Variants in TGS1 observed in about 807,000 individuals in gnomAD.
The protein encoded by TGS1 is trimethylguanosine synthase 1, also known as trimethylguanosine synthase.
In TGS1, 69 loss-of-function variants were observed where a neutral mutation model predicts 92.2. The ratio of observed to expected loss-of-function variants is 0.75; its 90% confidence interval spans 0.62 to 0.91. The LOEUF (loss-of-function observed/expected upper bound fraction) is 0.91. TGS1 is among the 40% of genes least tolerant of loss of function. The probability of loss-of-function intolerance (pLI) is 0.00; values close to 1 mark genes in which losing one functional copy is unlikely to be tolerated. For missense variants in TGS1, 1,062 were observed against 1,001.2 expected (o/e 1.06, Z -0.82); for synonymous variants, 345 against 338.1 (o/e 1.02, Z -0.22).
At chr8:55,801,582 CTTTTTTTTTTTTTT>C (rs1212417955) in intron 8 of TGS1, among the ~76,000 whole-genome samples, 2 of 48,216 alleles carry the variant, frequency 4.1e-5, no homozygotes, top group Middle Eastern at 0.026. Context: ...CCCCATCGTT[CTTTTTTTTTTTTTT>C]TTTTTTTTTT....
chr8:55,793,121 T>C (rs925663876), intron 6 of TGS1, among the ~76,000 whole-genome samples: 9 of 152,246 alleles, frequency 5.9e-5, no homozygotes, highest in Admixed American at 1.3e-4. Context: ...CTCACATGTG[T>C]ACATCTGAAG....
At chr8:55,790,384 T>G in intron 5 of TGS1, 85 bp downstream of exon 5, 3 of 839,770 alleles carry the variant, frequency 3.6e-6, no homozygotes, top group South Asian at 3.0e-5. Context: ...ATGATTGTTA[T>G]GTTCACAACA....
At chr8:55,773,952 A>AG (rs1811300353) in intron 1 of TGS1, among the ~76,000 whole-genome samples, 1 of 152,254 alleles carries the variant, frequency 6.6e-6, no homozygotes, top group Non-Finnish European at 1.5e-5. Flanking sequence ...AAAATGTCGT[A>AG]GGTGCTATAT....
At chr8:55,795,541 C>T (rs1187266182) in intron 6 of TGS1, among the ~76,000 whole-genome samples, 6 of 152,064 alleles carry the variant, frequency 3.9e-5, no homozygotes, top group South Asian at 2.1e-4. Flanking sequence ...ACGAAGGGTT[C>T]GCTTCTTTTG....
chr8:55,798,898 C>A lies in TGS1; in HGVS notation c.1543-16C>A. The A allele has an allele frequency of 6.4e-7, 1 of 1,572,312 alleles. No individual in the cohort carries two copies. The highest frequency in any genetic ancestry group is 1.2e-5 in the South Asian group (1 of 84,342). On this transcript the variant is annotated splice_polypyrimidine_tract_variant and intron_variant, in intron 7 of 12. Transcript: ENST00000260129. The stretch of plus-strand genomic sequence containing the variant: ...TGGAATTAATTCCTGCTCATGATGT[C>A]ATCTTAAAATTTAAGGTAGAAAAAT...
At position 55,792,785 on chromosome 8, in the gene TGS1, G is replaced by A; in HGVS notation, c.1367+1G>A. The stretch of plus-strand genomic sequence containing the variant: ...GATTCAAGTATGGCTCAGGACAAAA[G>A]TAATTATTCATAAAAGCTATTGTTT... On this transcript the variant is annotated splice_donor_variant, in intron 6 of 12. Transcript: ENST00000260129. LOFTEE classifies it high-confidence loss of function. The A allele has an allele frequency of 1.2e-6, 2 of 1,606,008 alleles. No individual in the cohort carries two copies. Among genetic ancestry groups the A allele is most frequent in the Non-Finnish European group, 1.7e-6 (2 of 1,172,802 alleles).
chr8:55,813,118 G>A lies in TGS1; in HGVS notation c.2439G>A (p.Gln813=), dbSNP rs770291384. Reference sequence around the variant, plus strand: ...TTCCAAGAAATGCTGATATTGACCAGGTAAGCCATTACTGAAAAACTTCCA... The same window carrying A: ...TTCCAAGAAATGCTGATATTGACCAAGTAAGCCATTACTGAAAAACTTCCA... ...YFLPRNADID[Q]VASLAGPGGQ... The change falls in exon 12 of 13, where the codon CAG becomes CAA. Residue 813 remains glutamine, a splice_region_variant and synonymous_variant. Transcript: ENST00000260129. The A allele has an allele frequency of 6.2e-7, 1 of 1,603,378 alleles. No homozygotes were observed. The highest frequency in any genetic ancestry group is 8.5e-7 in the Non-Finnish European group (1 of 1,171,870).
intron 12 of TGS1, among the ~76,000 whole-genome samples, chr8:55,815,984 G>A (rs73603154): frequency 0.062 from 9,320 of 151,538 alleles, 333 homozygotes; most frequent in African/African-American, 0.097. Flanking sequence ...GTTTCTCTCT[G>A]TCACGCAGAC....
Position 55,824,804 on chromosome 8 carries a change from G to T in TGS1, c.*101G>T, listed in dbSNP as rs368904702. The T allele has an allele frequency of 3.7e-5, 51 of 1,365,320 alleles. No homozygotes were observed. The highest frequency in any genetic ancestry group is 4.7e-5 in the Non-Finnish European group (47 of 992,562). 84.6% of individuals were successfully genotyped at this position (1,365,320 alleles called of 1,614,324 possible). A position where few individuals can be genotyped will look rare whatever the true frequency, so the allele number is the denominator to read the frequency against. The stretch of plus-strand genomic sequence containing the variant: ...TATTCACTGATATTTTCTACCCATG[G>T]TCTTATATCACCGTATGAAATGGAA... On this transcript the variant is annotated 3_prime_UTR_variant, in exon 13 of 13. Transcript: ENST00000260129.
chr8:55,793,631 G>A (rs889659738), intron 6 of TGS1, among the ~76,000 whole-genome samples: 3 of 151,966 alleles, frequency 2.0e-5, no homozygotes, highest in Non-Finnish European at 4.4e-5. Flanking sequence ...ACAGTGGTGC[G>A]ATCTCGGCCC....
intron 1 of TGS1, among the ~76,000 whole-genome samples, chr8:55,778,405 TTAAG>T (rs1811461443): frequency 6.6e-6 from 1 of 152,202 alleles, no homozygotes; most frequent in Non-Finnish European, 1.5e-5. Flanking sequence ...ATTAAGGTAT[TTAAG>T]TAGTCTAAAG....
At chr8:55,774,573 AG>A (rs2130084392) in intron 1 of TGS1, among the ~76,000 whole-genome samples, 1 of 152,314 alleles carries the variant, frequency 6.6e-6, no homozygotes, top group South Asian at 2.1e-4. Context: ...CTTTTTAGTC[AG>A]GCATGCATGT....
intron 4 of TGS1, among the ~76,000 whole-genome samples, chr8:55,788,230 C>A (rs1209922735): frequency 6.6e-6 from 1 of 152,204 alleles, no homozygotes; most frequent in Non-Finnish European, 1.5e-5. Flanking sequence ...GAGGAACTTT[C>A]TTCTCAGCCT....
Position 55,793,774 on chromosome 8 carries a change from A to T in TGS1, c.1367+990A>T, listed in dbSNP as rs149068333. Among the ~76,000 whole-genome samples, 724 of 134,764 alleles carry T rather than the reference A, an allele frequency of 5.4e-3. 6 individuals carry two copies. Among genetic ancestry groups the T allele is most frequent in the African/African-American group, 0.019 (640 of 33,182 alleles). The allele number at this position is 134,764 out of a possible 152,430, so 88.4% of individuals were successfully genotyped here. ...TATTTATTTATTTATTTATTTATTT[A>T]TTTTTTAATTTTTTATTTTTTTTAG... is the stretch of plus-strand genomic sequence containing the variant. On this transcript the variant is annotated intron_variant, in intron 6 of 12. Coordinates refer to ENST00000260129, the MANE Select transcript of TGS1 (RefSeq NM_024831.8).
chr8:55,792,322 C>G (rs759502722), intron 5 of TGS1, among the ~76,000 whole-genome samples: 1 of 151,646 alleles, frequency 6.6e-6, no homozygotes, highest in Non-Finnish European at 1.5e-5. Context: ...TCAAACGTTT[C>G]CTTGTTTGTT....
chr8:55,789,917 A>C (rs1585764920), intron 4 of TGS1, among the ~76,000 whole-genome samples: 1 of 152,198 alleles, frequency 6.6e-6, no homozygotes, highest in Admixed American at 6.5e-5. Flanking sequence ...AGTTCACTAC[A>C]TGTGGAAAAA....
chr8:55,819,184 C>T (rs1803564342), intron 12 of TGS1, among the ~76,000 whole-genome samples: 2 of 152,058 alleles, frequency 1.3e-5, no homozygotes, highest in Admixed American at 1.3e-4. Context: ...AATCTTTCTA[C>T]TTCAGCCTCC....
rs570318131 is a variant in TGS1, at chr8:55,796,007, G to T, written c.1397G>T (p.Arg466Leu). ...KYGGIPNFSHRQVRYLEKNVK... is the reference protein window; with the variant it reads ...KYGGIPNFSHLQVRYLEKNVK... ...GGTGGAATCCCAAATTTCAGTCATC[G>T]GCAGGTCAGGTATTTAGAGAAGAAT... Residue 466 changes from arginine (R) to leucine (L), a missense_variant, in exon 7 of 13, where the codon CGG becomes CTG. Transcript: ENST00000260129. The T allele has an allele frequency of 3.7e-6, 6 of 1,613,078 alleles. No individual in the cohort carries two copies. Among genetic ancestry groups the T allele is most frequent in the South Asian group, 3.3e-5 (3 of 90,900 alleles).
At chr8:55,806,059 T>C (rs1323778319) in intron 10 of TGS1, among the ~76,000 whole-genome samples, 1 of 150,478 alleles carries the variant, frequency 6.6e-6, no homozygotes, top group Non-Finnish European at 1.5e-5. Flanking sequence ...ACCTAGGCTC[T>C]TAAAAAAATT....
Sources: gnomAD v4.1 joint callset for allele counts (sites outside exome capture counted in the v4.1 genomes callset) on GRCh38, gnomAD v4.1.1 for gene constraint, MANE v1.5 for transcripts, NCBI Gene and HGNC (gene_info 2026-07-23, HGNC 2026-07-21) for gene names.